LINGO1: variants seen among roughly 807,000 people sequenced by gnomAD.
LINGO1 encodes leucine rich repeat and Ig domain containing 1.
LINGO1 carries 11 observed loss-of-function variants against 37.3 expected under a neutral mutation model. The observed-to-expected ratio is 0.29, with a 90% CI of 0.19 to 0.49. The LOEUF (loss-of-function observed/expected upper bound fraction) is 0.49. LINGO1 is among the 20% of genes least tolerant of loss of function. LINGO1 has a pLI of 0.99. For missense variants in LINGO1, 585 were observed against 878.2 expected, an observed-to-expected ratio of 0.67 and a Z score of 4.22; for synonymous variants, 387 against 403.0, an observed-to-expected ratio of 0.96 and a Z score of 0.48.
chr15:77,747,807 T>C (rs867420806), intron 1 of LINGO1, among the ~76,000 whole-genome samples: 1 of 152,170 alleles, frequency 6.6e-6, no homozygotes, highest in Middle Eastern at 3.4e-3. Context: ...GGCATTAAAG[T>C]CTCTTATTAA....
At chr15:77,670,644 G>C (rs946408806) in intron 3 of LINGO1, among the ~76,000 whole-genome samples, 1 of 152,224 alleles carries the variant, frequency 6.6e-6, no homozygotes, top group Non-Finnish European at 1.5e-5. Context: ...CCCAGTCTCA[G>C]GTGAGGCCAC....
At chr15:77,672,694 T>G (rs1322274905) in intron 3 of LINGO1, among the ~76,000 whole-genome samples, 1 of 152,222 alleles carries the variant, frequency 6.6e-6, no homozygotes, top group African/African-American at 2.4e-5. Flanking sequence ...TTTTCTCATC[T>G]GCAAATGGTG....
chr15:77,696,801 C>G (rs1446405561), upstream of LINGO1, among the ~76,000 whole-genome samples: 2 of 152,250 alleles, frequency 1.3e-5, no homozygotes, highest in Non-Finnish European at 2.9e-5. Flanking sequence ...CTTCCCAACC[C>G]CCACCCACAC....
chr15:77,682,173 T>C (rs904913611), intron 2 of LINGO1, among the ~76,000 whole-genome samples: 1 of 121,312 alleles, frequency 8.2e-6, no homozygotes, highest in South Asian at 2.5e-4. Flanking sequence ...TGGAGAAAAA[T>C]TCCTCTGCCA....
At chr15:77,804,622 T>C (rs979460914) in intron 1 of LINGO1, among the ~76,000 whole-genome samples, 9 of 152,098 alleles carry the variant, frequency 5.9e-5, no homozygotes, top group African/African-American at 2.2e-4. Context: ...TCTATCTGAG[T>C]GTGTGCAAGG....
chr15:77,631,049 TCTC>T (rs1238914419), intron 1 of LINGO1, among the ~76,000 whole-genome samples: 1 of 152,122 alleles, frequency 6.6e-6, no homozygotes, highest in African/African-American at 2.4e-5. Context: ...CTGGCCCTCT[TCTC>T]CTCACTGACA....
At position 77,614,723 on chromosome 15, in the gene LINGO1, G is replaced by A. The variant is rs765631433; in HGVS notation, c.1184C>T (p.Thr395Met). 24 of 1,606,896 alleles carry A rather than the reference G, an allele frequency of 1.5e-5. 1 individual carries two copies. The highest frequency in any genetic ancestry group is 6.7e-5 in the East Asian group (3 of 44,512). ...WRLNFNRQQP[T>M]CATPEFVQGK... ...CTGGACAAACTCGGGCGTGGCGCAC[G>A]TGGGCTGCTGCCGGTTGAAGTTGAG... The change falls in exon 2 of 2, where the codon ACG becomes ATG. Residue 395 changes from threonine (T) to methionine (M), a missense_variant. Physicochemically the swap from Thr to Met is moderately conservative, Grantham distance 81. Transcript: ENST00000355300.
At chr15:77,626,921 T>A (rs1301381701) in intron 1 of LINGO1, among the ~76,000 whole-genome samples, 2 of 151,798 alleles carry the variant, frequency 1.3e-5, no homozygotes, top group Non-Finnish European at 2.9e-5. Flanking sequence ...CCGTGTTGCA[T>A]CCAAGTAAAG....
At position 77,794,296 on chromosome 15, in the gene LINGO1, ATATATATACATATATG is replaced by A. The variant is rs1567587862; in HGVS notation, c.-343+1627_-343+1642del. On this transcript the variant is annotated intron_variant, in intron 2 of 5. Coordinates refer to the LINGO1 transcript ENST00000562933. The stretch of plus-strand genomic sequence containing the variant: ...CATATACATATATATATATGTATGT[ATATATATACATATATG>A]TGTATATACATACATATATGTATAT... Among the ~76,000 whole-genome samples the A allele has an allele frequency of 5.8e-3, 694 of 119,604 alleles. 80 individuals carry two copies. Among genetic ancestry groups the A allele is most frequent in the African/African-American group, 0.019 (611 of 31,846 alleles). The allele number at this position is 119,604 out of a possible 152,430, so 78.5% of individuals were successfully genotyped here. A position where few individuals can be genotyped will look rare whatever the true frequency, so the allele number is the denominator to read the frequency against.
At chr15:77,648,764 G>C (rs2074693033) in intron 3 of LINGO1, 1 of 152,260 alleles carries the variant, frequency 6.6e-6, no homozygotes, top group Non-Finnish European at 1.5e-5. Flanking sequence ...GGTGGCCCAG[G>C]GCATACCCAT....
intron 2 of LINGO1, among the ~76,000 whole-genome samples, chr15:77,706,703 T>C (rs570390554): frequency 6.6e-6 from 1 of 152,328 alleles, no homozygotes; most frequent in South Asian, 2.1e-4. Context: ...AGTCTCAGTA[T>C]GCCAGAAGCC....
At chr15:77,621,321 C>G (rs1311809753) in intron 1 of LINGO1, among the ~76,000 whole-genome samples, 1 of 152,238 alleles carries the variant, frequency 6.6e-6, no homozygotes, top group Non-Finnish European at 1.5e-5. Context: ...TCCCAAAGTG[C>G]TGGGATCACA....
At chr15:77,800,738 C>T (rs1020519302) in intron 1 of LINGO1, among the ~76,000 whole-genome samples, 27 of 151,996 alleles carry the variant, frequency 1.8e-4, no homozygotes, top group African/African-American at 6.3e-4. Flanking sequence ...GTAAAACATC[C>T]GTACAGCAAA....
intron 1 of LINGO1, among the ~76,000 whole-genome samples, chr15:77,776,508 GGAAGGCAGGA>G (rs1567577660): frequency 1.9e-4 from 16 of 85,860 alleles, no homozygotes; most frequent in African/African-American, 6.1e-4. Flanking sequence ...CAGGAAGGCA[GGAAGGCAGGA>G]AGGGAGGAAG....
At chr15:77,697,403 C>T (rs990457109), upstream of LINGO1, among the ~76,000 whole-genome samples, 5 of 152,074 alleles carry the variant, frequency 3.3e-5, no homozygotes, top group Admixed American at 6.5e-5. Context: ...GCAGGGCCTG[C>T]GGGTGGGGAC....
At chr15:77,616,102 CT>C (rs1406062085) in intron 1 of LINGO1, among the ~76,000 whole-genome samples, 1 of 152,134 alleles carries the variant, frequency 6.6e-6, no homozygotes, top group Non-Finnish European at 1.5e-5. Context: ...TGCCTGGAGT[CT>C]TCCCAAAGGA....
intron 2 of LINGO1, among the ~76,000 whole-genome samples, chr15:77,681,980 C>A (rs1456612727): frequency 6.6e-6 from 1 of 152,110 alleles, no homozygotes; most frequent in African/African-American, 2.4e-5. Flanking sequence ...GATGGGGAAG[C>A]TGAAGCATGG....
chr15:77,787,736 C>T (rs550687800), upstream of LINGO1, among the ~76,000 whole-genome samples: 2 of 152,328 alleles, frequency 1.3e-5, no homozygotes, highest in South Asian at 4.1e-4. Flanking sequence ...AGGCTCCACT[C>T]CAACCCCAGC....
intron 3 of LINGO1, among the ~76,000 whole-genome samples, chr15:77,665,580 G>C (rs569414758): frequency 6.6e-6 from 1 of 152,230 alleles, no homozygotes; most frequent in Non-Finnish European, 1.5e-5. Flanking sequence ...CCCAAGCCCA[G>C]GTGGCCCTTT....
Sources: allele counts gnomAD v4.1 joint callset (sites outside exome capture counted in the v4.1 genomes callset), GRCh38; gene constraint gnomAD v4.1.1; transcripts MANE v1.5; gene names NCBI Gene and HGNC (gene_info 2026-07-23, HGNC 2026-07-21).